Variants in TRIP12 observed in about 807,000 individuals in gnomAD.
TRIP12 encodes thyroid hormone receptor interactor 12.
TRIP12 carries 25 observed loss-of-function variants against 244.2 expected under a neutral mutation model. The observed-to-expected ratio is 0.10, with a 90% CI of 0.07 to 0.14. TRIP12 has a LOEUF of 0.14. Ranked by LOEUF, TRIP12 falls within the 10% of genes least tolerant of loss-of-function variation. TRIP12 has a pLI of 1.00. For missense variants in TRIP12, 1,677 were observed against 2,486.4 expected (o/e 0.67, Z 6.92); for synonymous variants, 905 against 873.1 (o/e 1.04, Z -0.64).
At chr2:229,797,864 C>T (rs1453592573) in intron 23 of TRIP12, 33 bp from the exon 24 acceptor site, 1 of 1,604,540 alleles carries the variant, frequency 6.2e-7, no homozygotes, top group Non-Finnish European at 8.5e-7. Context: ...ATTAAAGTCC[C>T]AGTGTATGTA....
intron 2 of TRIP12, among the ~76,000 whole-genome samples, chr2:229,873,548 T>C (rs1434142829): frequency 6.6e-6 from 1 of 152,204 alleles, no homozygotes; most frequent in African/African-American, 2.4e-5. Flanking sequence ...GATACCAAAC[T>C]GTACACACAG....
chr2:229,821,314 A>G (rs189298521), intron 8 of TRIP12, among the ~76,000 whole-genome samples: 1 of 152,304 alleles, frequency 6.6e-6, no homozygotes, highest in East Asian at 1.9e-4. Flanking sequence ...AACTATTATT[A>G]GTTTTGACCT....
chr2:229,797,778 T>C lies in TRIP12; in HGVS notation c.3536A>G (p.Tyr1179Cys). 6.2e-7 allele frequency: 1 copy of C among 1,614,012 alleles called. No individual in the cohort carries two copies. ...KEQAHKFVER[Y>C]FSSENMDGSN... Reference sequence around the variant, plus strand: ...TCCATCCATATTCTCAGAACTGAAATAACGTTCTACAAATTTATGTGCCTG... The same window carrying C: ...TCCATCCATATTCTCAGAACTGAAACAACGTTCTACAAATTTATGTGCCTG... The change falls in exon 24 of 42, where the codon TAT becomes TGT. Residue 1179 changes from tyrosine (Y) to cysteine (C), a missense_variant. Around this residue, in one of 11 missense-constraint regions of TRIP12, gnomAD observed 572 missense variants for 867.8 expected, o/e 0.66. Transcript: ENST00000675903.
chr2:229,892,575 C>CA (rs199821299), intron 1 of TRIP12, among the ~76,000 whole-genome samples: 2 of 151,808 alleles, frequency 1.3e-5, no homozygotes, highest in Non-Finnish European at 2.9e-5. Flanking sequence ...TGACAAAATA[C>CA]AAAAAAAATT....
intron 5 of TRIP12, among the ~76,000 whole-genome samples, chr2:229,839,819 T>C (rs1428732787): frequency 6.6e-6 from 1 of 152,230 alleles, no homozygotes; most frequent in African/African-American, 2.4e-5. Flanking sequence ...AGGAGATTTT[T>C]ACCTTTAGGC....
intron 7 of TRIP12, 87 bp from the exon 8 acceptor site, chr2:229,829,375 C>T (rs1056873695): frequency 3.6e-5 from 37 of 1,014,522 alleles, no homozygotes; most frequent in Non-Finnish European, 4.6e-5. Flanking sequence ...TGATTCATCT[C>T]GCTTAACTGA....
chr2:229,804,673 T>C (rs1410297116), intron 18 of TRIP12, among the ~76,000 whole-genome samples: 1 of 152,214 alleles, frequency 6.6e-6, no homozygotes, highest in Non-Finnish European at 1.5e-5. Context: ...AAGGAAAAGA[T>C]AACTGATAAG....
At chr2:229,900,256 A>G (rs1378175173) in intron 1 of TRIP12, among the ~76,000 whole-genome samples, 1 of 152,242 alleles carries the variant, frequency 6.6e-6, no homozygotes, top group African/African-American at 2.4e-5. Context: ...TAGAGTCATC[A>G]CTATACTTGA....
chr2:229,829,480 G>A (rs1364792812), intron 7 of TRIP12, among the ~76,000 whole-genome samples, 192 bp from the exon 8 acceptor site: 2 of 152,216 alleles, frequency 1.3e-5, no homozygotes, highest in Non-Finnish European at 2.9e-5. Context: ...GCAGGAATGT[G>A]TAAATATTTC....
intron 1 of TRIP12, among the ~76,000 whole-genome samples, chr2:229,899,936 G>T (rs1161335372): frequency 5.5e-4 from 84 of 152,154 alleles, no homozygotes; most frequent in Non-Finnish European, 4.4e-5. Context: ...CAAACAAACT[G>T]CATACCAAAT....
chr2:229,911,469 A>G (rs772927710), intron 1 of TRIP12, among the ~76,000 whole-genome samples: 8 of 152,256 alleles, frequency 5.3e-5, no homozygotes, highest in Non-Finnish European at 7.3e-5. Context: ...AAGTAATGGT[A>G]TCTGTTAAAG....
At chr2:229,847,059 TC>T (rs1458210537) in intron 4 of TRIP12, among the ~76,000 whole-genome samples, 1 of 152,232 alleles carries the variant, frequency 6.6e-6, no homozygotes, top group Non-Finnish European at 1.5e-5. Flanking sequence ...TTCATGTATT[TC>T]TAAGTGCAGT....
At chr2:229,905,933 G>A (rs1262866798) in intron 1 of TRIP12, among the ~76,000 whole-genome samples, 2 of 152,154 alleles carry the variant, frequency 1.3e-5, no homozygotes, top group African/African-American at 4.8e-5. Flanking sequence ...CACAACTCAG[G>A]CACAAAACAT....
chr2:229,879,558 T>C (rs939725226), intron 2 of TRIP12, among the ~76,000 whole-genome samples: 1 of 152,208 alleles, frequency 6.6e-6, no homozygotes, highest in Non-Finnish European at 1.5e-5. Context: ...TCAAAAGGCA[T>C]GATGAGGACA....
At chr2:229,840,765 T>G in intron 5 of TRIP12, 57 bp downstream of exon 5, 1 of 1,193,906 alleles carries the variant, frequency 8.4e-7, no homozygotes, top group Non-Finnish European at 1.2e-6. Flanking sequence ...TGATGAAAGT[T>G]GAAATTGAGC....
intron 38 of TRIP12, among the ~76,000 whole-genome samples, 182 bp from the exon 39 acceptor site, chr2:229,771,814 G>A (rs1450388486): frequency 6.6e-6 from 1 of 152,058 alleles, no homozygotes; most frequent in Non-Finnish European, 1.5e-5. Context: ...AACATCTAAT[G>A]TGGGGCCCCT....
chr2:229,768,895 G>T (rs548606292), intron 40 of TRIP12, among the ~76,000 whole-genome samples, 176 bp from the exon 41 acceptor site: 2 of 152,226 alleles, frequency 1.3e-5, no homozygotes, highest in East Asian at 3.9e-4. Context: ...AATTCAAATG[G>T]AATGATTACA....
intron 5 of TRIP12, among the ~76,000 whole-genome samples, chr2:229,838,171 GA>G (rs2055339148): frequency 6.6e-6 from 1 of 151,712 alleles, no homozygotes; most frequent in Non-Finnish European, 1.5e-5. Flanking sequence ...TCTCATTACA[GA>G]AAAAGCTTCC....
intron 4 of TRIP12, among the ~76,000 whole-genome samples, chr2:229,843,140 T>C (rs1286847131): frequency 7.1e-6 from 1 of 139,896 alleles, no homozygotes; most frequent in African/African-American, 2.6e-5. Flanking sequence ...GGCTCTGTAA[T>C]GCAGCAAAAC....
Sources: allele counts gnomAD v4.1 joint callset (sites outside exome capture counted in the v4.1 genomes callset), GRCh38; gene constraint gnomAD v4.1.1; regional missense constraint gnomAD v4.1.1; transcripts MANE v1.5; gene names NCBI Gene and HGNC (gene_info 2026-07-23, HGNC 2026-07-21).